The following TGM7 variants were observed in gnomAD, a reference collection of about 807,000 sequenced individuals.
TGM7 encodes the protein protein-glutamine gamma-glutamyltransferase Z.
In TGM7, 74 loss-of-function variants were observed where a neutral mutation model predicts 79.5. That is an observed-to-expected ratio of 0.93 (90% confidence interval 0.77 to 1.13). The LOEUF is 1.13. TGM7 is among the 50% of genes most tolerant of loss of function. The probability of loss-of-function intolerance (pLI) is 0.00; values close to 1 mark genes in which losing one functional copy is unlikely to be tolerated. For synonymous variants in TGM7, 354 were observed against 362.5 expected (o/e 0.98, Z 0.27); for missense variants, 912 against 905.9 (o/e 1.01, Z -0.09).
intron 11 of TGM7, among the ~76,000 whole-genome samples, chr15:43,278,764 G>A (rs367941698): frequency 3.7e-4 from 56 of 152,198 alleles, no homozygotes; most frequent in African/African-American, 1.2e-3. Flanking sequence ...AGTGGTCATC[G>A]TTTGAATTTG....
At chr15:43,284,532 A>G (rs1018427064) in intron 7 of TGM7, among the ~76,000 whole-genome samples, 5 of 152,186 alleles carry the variant, frequency 3.3e-5, no homozygotes, top group Non-Finnish European at 5.9e-5. Flanking sequence ...AGGAAGATGA[A>G]TAAAGACTTT....
intron 1 of TGM7, among the ~76,000 whole-genome samples, chr15:43,298,791 C>T (rs1242447430): frequency 6.6e-6 from 1 of 151,976 alleles, no homozygotes; most frequent in African/African-American, 2.4e-5. Flanking sequence ...AAAAGAAAGC[C>T]TTAAAACATA....
At chr15:43,300,850 T>C (rs1412358150) in intron 1 of TGM7, among the ~76,000 whole-genome samples, 1 of 152,180 alleles carries the variant, frequency 6.6e-6, no homozygotes, top group Non-Finnish European at 1.5e-5. Context: ...TTATTCTAGT[T>C]GGTGATAGCC....
chr15:43,286,889 T>C (rs2042938193), intron 6 of TGM7, among the ~76,000 whole-genome samples: 1 of 152,226 alleles, frequency 6.6e-6, no homozygotes. Flanking sequence ...GGCTGCTAGC[T>C]CTGCCTATGG....
chr15:43,292,651 C>G, intron 3 of TGM7, 58 bp downstream of exon 3: 1 of 1,588,048 alleles, frequency 6.3e-7, no homozygotes, highest in Non-Finnish European at 8.6e-7. Context: ...TTCCAAAGAA[C>G]CTCACAGGGC....
Position 43,282,021 on chromosome 15 carries a change from C to G in TGM7, c.1174G>C (p.Asp392His). The part of the protein sequence containing the change: ...IREGDVHLAY[D>H]TPFVYAEVNA... ...ACCTCGGCATACACAAAAGGGGTGT[C>G]ATAGGCCAGGTGGACATCCCCTTCC... The change falls in exon 9 of 13, where the codon GAC becomes CAC. Residue 392 changes from aspartate (D) to histidine (H), a missense_variant. Coordinates refer to ENST00000452443, the MANE Select transcript of TGM7 (RefSeq NM_052955.3). 6.2e-7 allele frequency: 1 copy of G among 1,614,174 alleles called. No homozygotes were observed. The highest frequency in any genetic ancestry group is 8.5e-7 in the Non-Finnish European group (1 of 1,180,028).
At chr15:43,300,813 A>ATG (rs2043021867) in intron 1 of TGM7, among the ~76,000 whole-genome samples, 1 of 152,132 alleles carries the variant, frequency 6.6e-6, no homozygotes, top group Non-Finnish European at 1.5e-5. Context: ...TCAAAAATAT[A>ATG]TGTGTATATA....
At chr15:43,282,358 G>A (rs1160894965) in intron 8 of TGM7, among the ~76,000 whole-genome samples, 159 bp downstream of exon 8, 2 of 152,160 alleles carry the variant, frequency 1.3e-5, no homozygotes, top group Non-Finnish European at 2.9e-5. Flanking sequence ...CTCTGTCAAT[G>A]GTAGAGTTAG....
At chr15:43,296,842 C>T (rs2042994660) in intron 1 of TGM7, among the ~76,000 whole-genome samples, 1 of 152,074 alleles carries the variant, frequency 6.6e-6, no homozygotes, top group African/African-American at 2.4e-5. Flanking sequence ...CTTTTTTATT[C>T]CACTCCACTG....
intron 9 of TGM7, among the ~76,000 whole-genome samples, chr15:43,280,608 A>G (rs571621406): frequency 6.6e-6 from 1 of 151,940 alleles, no homozygotes; most frequent in East Asian, 1.9e-4. Flanking sequence ...GGGCAACAAG[A>G]GTGAAACTCC....
chr15:43,294,949 G>C (rs1394781093), intron 1 of TGM7, among the ~76,000 whole-genome samples: 1 of 151,914 alleles, frequency 6.6e-6, no homozygotes, highest in East Asian at 1.9e-4. Context: ...CCCGGCTGGA[G>C]TGCAATGGCA....
At chr15:43,289,312 G>A (rs2042953041) in intron 4 of TGM7, among the ~76,000 whole-genome samples, 2 of 152,090 alleles carry the variant, frequency 1.3e-5, no homozygotes, top group Non-Finnish European at 1.5e-5. Flanking sequence ...GACATGTGGT[G>A]TTTGGTTTTT....
intron 6 of TGM7, among the ~76,000 whole-genome samples, chr15:43,285,339 C>A (rs536031048): frequency 1.3e-4 from 20 of 152,274 alleles, no homozygotes; most frequent in African/African-American, 4.8e-4. Context: ...GAGACTCAGC[C>A]TGGCCAACAT....
At chr15:43,297,622 A>AAAGAAAGAAAGAAAGT (rs1356568932) in intron 1 of TGM7, among the ~76,000 whole-genome samples, 1 of 151,474 alleles carries the variant, frequency 6.6e-6, no homozygotes, top group Non-Finnish European at 1.5e-5. Flanking sequence ...AGAAAGAAAG[A>AAAGAAAGAAAGAAAGT]AAGAAAGAAA....
At chr15:43,293,391 T>C in intron 2 of TGM7, 58 bp downstream of exon 2, 1 of 1,519,432 alleles carries the variant, frequency 6.6e-7, no homozygotes, top group Non-Finnish European at 8.8e-7. Context: ...GCAGGCAGAC[T>C]CTGTAAATGC....
At chr15:43,277,741 C>T (rs1254015281) in intron 11 of TGM7, among the ~76,000 whole-genome samples, 1 of 152,160 alleles carries the variant, frequency 6.6e-6, no homozygotes, top group Non-Finnish European at 1.5e-5. Flanking sequence ...ACGTGTTGAA[C>T]TGAAATGAGC....
intron 6 of TGM7, 83 bp from the exon 7 acceptor site, chr15:43,285,035 C>A: frequency 1.9e-6 from 3 of 1,550,490 alleles, no homozygotes; most frequent in Non-Finnish European, 1.8e-6. Flanking sequence ...AACTTTCAAG[C>A]TGGAGGAGAG....
At chr15:43,291,904 G>T in intron 4 of TGM7, 75 bp downstream of exon 4, 1 of 1,089,640 alleles carries the variant, frequency 9.2e-7, no homozygotes, top group Non-Finnish European at 1.4e-6. Flanking sequence ...TAATATAACA[G>T]CCTTACATAA....
intron 1 of TGM7, among the ~76,000 whole-genome samples, chr15:43,295,328 C>T (rs951488139): frequency 4.6e-5 from 7 of 152,246 alleles, no homozygotes; most frequent in South Asian, 2.1e-4. Context: ...CCATGGCTCA[C>T]GCCTGTAATC....
Sources: gnomAD v4.1 joint callset for allele counts (sites outside exome capture counted in the v4.1 genomes callset) on GRCh38, gnomAD v4.1.1 for gene constraint, MANE v1.5 for transcripts, NCBI Gene and HGNC (gene_info 2026-07-23, HGNC 2026-07-21) for gene names.